ATP9A: variants seen among roughly 807,000 people sequenced by gnomAD.
The protein encoded by ATP9A is ATPase phospholipid transporting 9A, also known as probable phospholipid-transporting ATPase IIA.
ATP9A carries 52 observed loss-of-function variants against 144.1 expected under a neutral mutation model. The observed-to-expected ratio is 0.36, with a 90% confidence interval of 0.29 to 0.45. The LOEUF (loss-of-function observed/expected upper bound fraction) is 0.45. Among genes scored for constraint, ATP9A ranks in the 20% least tolerant of loss-of-function variants. The pLI, the probability that ATP9A is intolerant of heterozygous loss-of-function variation, is 1.00. For missense variants in ATP9A, 947 were observed against 1,392.7 expected, an observed-to-expected ratio of 0.68 and a Z score of 5.09; for synonymous variants, 582 against 557.4, an observed-to-expected ratio of 1.04 and a Z score of -0.62.
intron 9 of ATP9A, among the ~76,000 whole-genome samples, chr20:51,681,960 T>TCCCCAC (rs2077501742): frequency 6.6e-6 from 1 of 152,138 alleles, no homozygotes; most frequent in African/African-American, 2.4e-5. Context: ...AGGTGGTGGT[T>TCCCCAC]ACCCTTGGGC....
chr20:51,607,415 C>G (rs1285329357), intron 26 of ATP9A, 112 bp downstream of exon 26: 3 of 986,654 alleles, frequency 3.0e-6, no homozygotes, highest in Non-Finnish European at 4.6e-6. Flanking sequence ...CTGCCACCCT[C>G]CTTCCTGCTA....
Position 51,644,430 on chromosome 20 carries a change from A to AT in ATP9A, c.1507-4927dup, listed in dbSNP as rs770845700. 6.9e-3 allele frequency among the ~76,000 whole-genome samples: 985 copies of AT among 142,474 alleles called. 22 individuals are homozygous for AT. Among genetic ancestry groups the AT allele is most frequent in the East Asian group, 0.061 (294 of 4,844 alleles). 93.5% of individuals were successfully genotyped at this position (142,474 alleles called of 152,430 possible). A position where few individuals can be genotyped will look rare whatever the true frequency, so the allele number is the denominator to read the frequency against. ...TGGTGCCCGCCACCACACCCGGCTA[A>AT]TTTTTTTTTTTTTTGTATTTTTAGT... On this transcript the variant is annotated intron_variant, in intron 14 of 27. Transcript: ENST00000338821.
intron 14 of ATP9A, among the ~76,000 whole-genome samples, chr20:51,653,432 G>C (rs2077375340): frequency 6.6e-6 from 1 of 152,144 alleles, no homozygotes; most frequent in African/African-American, 2.4e-5. Context: ...GATGCCAACA[G>C]GAGCATCAGG....
At position 51,600,796 on chromosome 20, in the gene ATP9A, G is replaced by A. The variant is rs944078328; in HGVS notation, c.*415C>T. The A allele has an allele frequency of 9.3e-5, 13 of 139,070 alleles. No individual in the cohort carries two copies. The highest frequency in any genetic ancestry group is 3.1e-4 in the African/African-American group (11 of 35,242). 8.6% of individuals were successfully genotyped at this position (139,070 alleles called of 1,614,324 possible). ...GACATAAAGAGTACATACACATTAG[G>A]ACTCTTTAAAAACACACACACACAC... On this transcript the variant is annotated 3_prime_UTR_variant, in exon 28 of 28. Transcript: ENST00000338821.
At chr20:51,765,417 G>A (rs1243022815) in intron 1 of ATP9A, among the ~76,000 whole-genome samples, 2 of 152,146 alleles carry the variant, frequency 1.3e-5, no homozygotes, top group African/African-American at 2.4e-5. Context: ...CACTTTGGGA[G>A]GCCAAGGTGG....
intron 15 of ATP9A, among the ~76,000 whole-genome samples, chr20:51,629,279 A>AT: frequency 6.6e-6 from 1 of 152,328 alleles, no homozygotes; most frequent in South Asian, 2.1e-4. Context: ...CACTTGGAAG[A>AT]TTTTCAATGA....
Position 51,676,223 on chromosome 20 carries a change from A to T in ATP9A, c.800-15T>A, listed in dbSNP as rs760918719. 14 of 1,549,230 alleles carry T rather than the reference A, an allele frequency of 9.0e-6. No individual in the cohort carries two copies. Among genetic ancestry groups the T allele is most frequent in the Non-Finnish European group, 1.2e-5 (14 of 1,146,540 alleles). On this transcript the variant is annotated splice_polypyrimidine_tract_variant and intron_variant, in intron 9 of 27. Transcript: ENST00000338821. ...CACAACAGTACCTAAAATGGAAAAA[A>T]GAAAAAAAAAAAAAGAAAAGAAATA...
rs576212378 is a variant in ATP9A, at chr20:51,676,129, C to T, written c.876+3G>A. 3.4e-5 allele frequency: 55 copies of T among 1,612,300 alleles called. No homozygotes were observed. The South Asian group carries it at 5.7e-4, about 17-fold the overall frequency. On this transcript the variant is annotated splice_donor_region_variant and intron_variant, in intron 10 of 27. Transcript: ENST00000338821. Reference sequence around the variant, plus strand: ...TCAATGTACCCCATGACCTCGTACACACCTTACTTCGGGGATTTGAGGTAT... The same window carrying T: ...TCAATGTACCCCATGACCTCGTACATACCTTACTTCGGGGATTTGAGGTAT...
At chr20:51,764,473 C>G (rs759097047) in intron 1 of ATP9A, among the ~76,000 whole-genome samples, 2 of 152,238 alleles carry the variant, frequency 1.3e-5, no homozygotes. Flanking sequence ...GGAGATTCCT[C>G]CAAAAATAAG....
chr20:51,755,612 C>T (rs903023435), intron 1 of ATP9A, among the ~76,000 whole-genome samples: 8 of 152,020 alleles, frequency 5.3e-5, no homozygotes, highest in African/African-American at 1.9e-4. Context: ...AAGCTAAACA[C>T]AAATATACCC....
intron 27 of ATP9A, among the ~76,000 whole-genome samples, chr20:51,603,081 A>C (rs969940765): frequency 2.6e-5 from 4 of 152,046 alleles, no homozygotes; most frequent in Non-Finnish European, 5.9e-5. Flanking sequence ...TCATTAACTG[A>C]AAGTTTCCCC....
rs568396554 is a variant in ATP9A at position 51,602,174 on chromosome 20, G to GC, written c.3008-828_3008-827insG. On this transcript the variant is annotated intron_variant, in intron 27 of 27. Coordinates refer to ENST00000338821, the MANE Select transcript of ATP9A (RefSeq NM_006045.3). ...AGGGACTCTGATGGAAGGTGGGGGG[G>GC]GCGGGCGTACTGCCTTTCCTGCTGC... Among the ~76,000 whole-genome samples, 278 of 152,226 alleles carry GC rather than the reference G, an allele frequency of 1.8e-3. 2 individuals carry two copies. Among genetic ancestry groups the GC allele is most frequent in the Non-Finnish European group, 4.1e-4 (28 of 68,014 alleles).
chr20:51,692,917 T>C (rs2077554311), intron 7 of ATP9A, among the ~76,000 whole-genome samples: 1 of 152,230 alleles, frequency 6.6e-6, no homozygotes, highest in African/African-American at 2.4e-5. Context: ...CATTTCTTGT[T>C]ACGTCAATCC....
At chr20:51,638,283 A>T (rs958234467) in intron 15 of ATP9A, among the ~76,000 whole-genome samples, 14 of 118,952 alleles carry the variant, frequency 1.2e-4, no homozygotes, top group Non-Finnish European at 1.4e-4. Flanking sequence ...GAGGATTCTC[A>T]TTTGTCAAGG....
At chr20:51,750,283 C>A (rs1218579949) in intron 1 of ATP9A, among the ~76,000 whole-genome samples, 1 of 152,212 alleles carries the variant, frequency 6.6e-6, no homozygotes, top group Non-Finnish European at 1.5e-5. Context: ...ATTCACCTCC[C>A]CCAGGCCTGG....
chr20:51,637,511 A>G (rs2077297398), intron 15 of ATP9A, among the ~76,000 whole-genome samples: 1 of 152,048 alleles, frequency 6.6e-6, no homozygotes, highest in Non-Finnish European at 1.5e-5. Context: ...CAAGAATTTC[A>G]GTGTGATGAA....
At chr20:51,762,751 C>T (rs1292080633) in intron 1 of ATP9A, among the ~76,000 whole-genome samples, 2 of 132,436 alleles carry the variant, frequency 1.5e-5, no homozygotes, top group Admixed American at 8.2e-5. Flanking sequence ...ACTCTGTTGC[C>T]GAGGCTGGAG....
Position 51,676,193 on chromosome 20 carries a change from A to C in ATP9A, c.815T>G (p.Val272Gly), listed in dbSNP as rs1379842028. Reference protein sequence around the residue: ...TVVASGTVVGVVLYTGRELRS... With the variant: ...TVVASGTVVGGVLYTGRELRS... ...GAGTTCTCTGCCAGTGTAAAGAACA[A>C]CACCCACAACAGTACCTAAAATGGA... The change falls in exon 10 of 28, where the codon GTT becomes GGT. Residue 272 changes from valine to glycine, a missense_variant. Coordinates refer to ENST00000338821, the MANE Select transcript of ATP9A (RefSeq NM_006045.3). 7 of 1,610,374 alleles carry C rather than the reference A, an allele frequency of 4.3e-6. No individual in the cohort carries two copies. The highest frequency in any genetic ancestry group is 5.9e-6 in the Non-Finnish European group (7 of 1,178,700).
intron 3 of ATP9A, among the ~76,000 whole-genome samples, chr20:51,714,011 AT>A (rs1472057451): frequency 6.6e-6 from 1 of 151,814 alleles, no homozygotes; most frequent in Non-Finnish European, 1.5e-5. Flanking sequence ...GGTTCAAGCG[AT>A]TCTCCTGTCT....
Sources: allele counts gnomAD v4.1 joint callset (sites outside exome capture counted in the v4.1 genomes callset), GRCh38; gene constraint gnomAD v4.1.1; transcripts MANE v1.5; gene names NCBI Gene and HGNC (gene_info 2026-07-23, HGNC 2026-07-21).